Variants in GJA3 observed in about 807,000 individuals in gnomAD.
The protein encoded by GJA3 is gap junction alpha-3 protein.
For missense variants in GJA3, 571 were observed against 620.3 expected, an observed-to-expected ratio of 0.92 and a Z score of 0.84; for synonymous variants, 297 against 292.6, an observed-to-expected ratio of 1.02 and a Z score of -0.15.
In GJA3 at chr13:20,142,958, C is replaced by T; in HGVS notation, c.331G>A (p.Glu111Lys). The T allele has an allele frequency of 6.3e-7, 1 of 1,580,312 alleles. No homozygotes were observed. The highest frequency in any genetic ancestry group is 8.6e-7 in the Non-Finnish European group (1 of 1,163,162). The change falls in exon 2 of 2, where the codon GAG becomes AAG. Residue 111 changes from glutamate to lysine, a missense_variant. Transcript: ENST00000241125. ...CTCTCTCTCTTCAGCTGCTCCTCCT[C>T]CTCCCTCTCTTTCTTCTTCTCTTCC... ...RMEEKKKERE[E>K]EEQLKRESPS... is the part of the protein sequence containing the mutation.
At chr13:20,152,944 G>T (rs1054659830) in intron 1 of GJA3, among the ~76,000 whole-genome samples, 2 of 152,128 alleles carry the variant, frequency 1.3e-5, no homozygotes, top group African/African-American at 4.8e-5. Context: ...ACGAGGGCAT[G>T]GTGAGCTGTC....
intron 1 of GJA3, among the ~76,000 whole-genome samples, chr13:20,153,763 C>T (rs1452589830): frequency 3.3e-5 from 5 of 150,552 alleles, no homozygotes; most frequent in Non-Finnish European, 5.9e-5. Flanking sequence ...GCACATGTAC[C>T]CTAGAACTTA....
rs114399038 is a variant in GJA3 at position 20,146,244 on chromosome 13, C to T, written c.-17-2939G>A. Among the ~76,000 whole-genome samples, 589 of 152,292 alleles carry T rather than the reference C, an allele frequency of 3.9e-3. 4 individuals are homozygous for T. The highest frequency in any genetic ancestry group is 0.013 in the African/African-American group (559 of 41,546). On this transcript the variant is annotated intron_variant, in intron 1 of 1. Transcript: ENST00000241125. ...CACCATGAGGGAGGGGTCTGCTGCCCGTCACAGACTGGACAATGCCACTGG... is the reference window on the plus strand; with the variant it reads ...CACCATGAGGGAGGGGTCTGCTGCCTGTCACAGACTGGACAATGCCACTGG...
intron 1 of GJA3, among the ~76,000 whole-genome samples, chr13:20,151,109 A>AGGGGGGGGGGGGGGG (rs1958874437): frequency 5.1e-5 from 1 of 19,542 alleles, no homozygotes; most frequent in African/African-American, 2.0e-4. Context: ...AGGGTGTTGG[A>AGGGGGGGGGGGGGGG]GGGAGGGTGG....
chr13:20,158,931 A>AAAAG (rs1555340273), intron 1 of GJA3, among the ~76,000 whole-genome samples: 24 of 148,924 alleles, frequency 1.6e-4, no homozygotes, highest in African/African-American at 6.0e-4. Flanking sequence ...AAAAAAAAAA[A>AAAAG]AAAAAGAAAA....
intron 1 of GJA3, among the ~76,000 whole-genome samples, chr13:20,160,245 T>C (rs1263482736): frequency 6.6e-6 from 1 of 152,220 alleles, no homozygotes; most frequent in African/African-American, 2.4e-5. Flanking sequence ...TTCCTTATAG[T>C]TGAACACATC....
chr13:20,150,454 G>A (rs1566517830), intron 1 of GJA3, among the ~76,000 whole-genome samples: 1 of 152,072 alleles, frequency 6.6e-6, no homozygotes, highest in East Asian at 1.9e-4. Context: ...ACCGCGTCCT[G>A]CACAGCGTGG....
At chr13:20,153,083 A>C (rs1003675607) in intron 1 of GJA3, among the ~76,000 whole-genome samples, 4 of 152,178 alleles carry the variant, frequency 2.6e-5, no homozygotes, top group African/African-American at 9.7e-5. Context: ...TTTTGCACCT[A>C]AAGACTGTAA....
chr13:20,161,126 C>T (rs1433076484), upstream of GJA3: 2 of 153,520 alleles, frequency 1.3e-5, no homozygotes, highest in African/African-American at 2.4e-5. Context: ...CAGCCCCGCC[C>T]CGCGCGCTTC....
rs754015946 is a variant in GJA3, at chr13:20,142,280, G to A, written c.1009C>T (p.Pro337Ser). 5.1e-6 allele frequency: 8 copies of A among 1,566,768 alleles called. No homozygotes were observed. Among genetic ancestry groups the A allele is most frequent in the South Asian group, 1.2e-5 (1 of 85,318 alleles). ...NWANQAAERQ[P>S]PALKAYPAAS... ...GCCGGGTAAGCCTTGAGCGCCGGGGGCTGCCGCTCGGCCGCCTGGTTGGCC... is the reference window on the plus strand; with the variant it reads ...GCCGGGTAAGCCTTGAGCGCCGGGGACTGCCGCTCGGCCGCCTGGTTGGCC... Residue 337 changes from proline (P) to serine (S), a missense_variant, in exon 2 of 2, where the codon CCC becomes TCC. Coordinates refer to ENST00000241125, the MANE Select transcript of GJA3 (RefSeq NM_021954.4).
At chr13:20,151,712 C>G (rs1958878778) in intron 1 of GJA3, among the ~76,000 whole-genome samples, 1 of 152,038 alleles carries the variant, frequency 6.6e-6, no homozygotes, top group Admixed American at 6.5e-5. Flanking sequence ...TTGAGCTCAG[C>G]AAGCTGAGGC....
chr13:20,147,927 G>A (rs4769088), intron 1 of GJA3, among the ~76,000 whole-genome samples: 29,642 of 151,702 alleles, frequency 0.2, 3,783 homozygotes, highest in East Asian at 0.44. Flanking sequence ...GCAATCTCCC[G>A]TATCAGGCGC....
chr13:20,149,060 G>C (rs1039757761), intron 1 of GJA3, among the ~76,000 whole-genome samples: 1 of 152,130 alleles, frequency 6.6e-6, no homozygotes, highest in Non-Finnish European at 1.5e-5. Flanking sequence ...GAAAAGTTAC[G>C]TTTTCCTTTC....
At position 20,139,870 on chromosome 13, in the gene GJA3, A is replaced by C. The variant is rs1958797230; in HGVS notation, c.*2111T>G. The C allele has an allele frequency of 6.6e-6, 1 of 152,246 alleles. No individual in the cohort carries two copies. Among genetic ancestry groups the C allele is most frequent in the African/African-American group, 2.4e-5 (1 of 41,468 alleles). The allele number at this position is 152,246 out of a possible 1,614,324, so 9.4% of individuals were successfully genotyped here. A position where few individuals can be genotyped will look rare whatever the true frequency, so the allele number is the denominator to read the frequency against. On this transcript the variant is annotated 3_prime_UTR_variant, in exon 2 of 2. Coordinates refer to ENST00000241125, the MANE Select transcript of GJA3 (RefSeq NM_021954.4). ...TAAGAAGCTTGTTACTGTTATGAAC[A>C]TTTATTATGGTAGAACTTAAAGAAC... is the stretch of plus-strand genomic sequence containing the variant.
intron 1 of GJA3, among the ~76,000 whole-genome samples, chr13:20,152,049 G>T (rs1958881172): frequency 1.3e-5 from 2 of 152,184 alleles, no homozygotes; most frequent in South Asian, 4.1e-4. Context: ...GTCCAGGTTT[G>T]GGGAAGAAAA....
Position 20,142,727 on chromosome 13 carries a change from T to C in GJA3, c.562A>G (p.Asn188Asp). 6.2e-7 allele frequency: 1 copy of C among 1,613,854 alleles called. No individual in the cohort carries two copies. The highest frequency in any genetic ancestry group is 8.5e-7 in the Non-Finnish European group (1 of 1,179,954). ...LYRCDRWPCP[N>D]TVDCFISRPT... ...CTGGAGATGAAGCAGTCCACCGTGTTGGGGCAGGGCCAGCGGTCGCAGCGG... is the reference window on the plus strand; with the variant it reads ...CTGGAGATGAAGCAGTCCACCGTGTCGGGGCAGGGCCAGCGGTCGCAGCGG... The change falls in exon 2 of 2, where the codon AAC becomes GAC. Residue 188 changes from asparagine (N) to aspartate (D), a missense_variant. Asn to Asp is a conservative substitution (Grantham distance 23). Coordinates refer to ENST00000241125, the MANE Select transcript of GJA3 (RefSeq NM_021954.4).
chr13:20,145,122 C>T (rs1469604887), intron 1 of GJA3, among the ~76,000 whole-genome samples: 1 of 152,132 alleles, frequency 6.6e-6, no homozygotes, highest in African/African-American at 2.4e-5. Flanking sequence ...GCAGAGGCTG[C>T]AGTGGGCTGA....
At chr13:20,149,636 G>A (rs1009773644) in intron 1 of GJA3, among the ~76,000 whole-genome samples, 2 of 152,200 alleles carry the variant, frequency 1.3e-5, no homozygotes, top group Non-Finnish European at 2.9e-5. Flanking sequence ...ATACTAAAAT[G>A]GGCAGTTGGG....
intron 1 of GJA3, among the ~76,000 whole-genome samples, chr13:20,146,330 G>A (rs1002105504): frequency 6.6e-6 from 1 of 152,202 alleles, no homozygotes; most frequent in African/African-American, 2.4e-5. Context: ...GACCTCATGG[G>A]AAAGAACTGT....
Sources: gnomAD v4.1 joint callset for allele counts (sites outside exome capture counted in the v4.1 genomes callset) on GRCh38, gnomAD v4.1.1 for gene constraint, MANE v1.5 for transcripts, NCBI Gene and HGNC (gene_info 2026-07-23, HGNC 2026-07-21) for gene names.